Variants in TAFA1 observed in about 807,000 individuals in gnomAD.
TAFA1 encodes the protein chemokine-like protein TAFA-1.
TAFA1 carries 4 observed loss-of-function variants against 18.5 expected under a neutral mutation model. The observed-to-expected ratio is 0.22, with a 90% CI of 0.11 to 0.49. The LOEUF (loss-of-function observed/expected upper bound fraction) is 0.49. Among genes scored for constraint, TAFA1 ranks in the 20% least tolerant of loss-of-function variants. The pLI is 0.98. For synonymous variants in TAFA1, 56 were observed against 55.2 expected (o/e 1.01, Z -0.06); for missense variants, 147 against 169.0 (o/e 0.87, Z 0.72).
intron 2 of TAFA1, among the ~76,000 whole-genome samples, chr3:68,115,557 G>A (rs535142961): frequency 3.3e-5 from 5 of 152,260 alleles, no homozygotes; most frequent in Admixed American, 6.5e-5. Context: ...AATGGAACAG[G>A]TTGAGGTTTT....
chr3:68,108,079 G>A (rs1023200244), intron 2 of TAFA1, among the ~76,000 whole-genome samples: 30 of 152,004 alleles, frequency 2.0e-4, no homozygotes, highest in African/African-American at 7.0e-4. Flanking sequence ...TTCTGACCAG[G>A]TTGTTTAAGG....
At chr3:68,305,936 G>T (rs2068411015) in intron 2 of TAFA1, among the ~76,000 whole-genome samples, 1 of 152,130 alleles carries the variant, frequency 6.6e-6, no homozygotes, top group South Asian at 2.1e-4. Flanking sequence ...AGCAAATACA[G>T]CACCTAGAAT....
intron 2 of TAFA1, among the ~76,000 whole-genome samples, chr3:68,350,595 TA>T (rs1473542545): frequency 6.6e-6 from 1 of 152,160 alleles, no homozygotes; most frequent in Non-Finnish European, 1.5e-5. Flanking sequence ...ATTGCTCCTA[TA>T]AAACAAGGAC....
Position 68,309,495 on chromosome 3 carries a change from C to T in TAFA1, c.119-107785C>T, listed in dbSNP as rs746448255. Among the ~76,000 whole-genome samples, 95 of 152,118 alleles carry T rather than the reference C, an allele frequency of 6.2e-4. 1 individual carries two copies. Among genetic ancestry groups the T allele is most frequent in the Non-Finnish European group, 1.1e-3 (76 of 68,032 alleles). ...AATTTAACCCATGTCTATCCTATTACAAAGCCATGTAATTAGACATTGGGC... is the reference window on the plus strand; with the variant it reads ...AATTTAACCCATGTCTATCCTATTATAAAGCCATGTAATTAGACATTGGGC... On this transcript the variant is annotated intron_variant, in intron 2 of 4. Coordinates refer to ENST00000478136, the MANE Select transcript of TAFA1 (RefSeq NM_213609.4).
At chr3:68,180,527 G>A (rs555250895) in intron 2 of TAFA1, among the ~76,000 whole-genome samples, 28 of 152,270 alleles carry the variant, frequency 1.8e-4, no homozygotes, top group East Asian at 1.2e-3. Context: ...ATGATTTATC[G>A]TAAATACTGG....
intron 3 of TAFA1, among the ~76,000 whole-genome samples, chr3:68,533,627 A>G (rs1272717842): frequency 2.6e-5 from 4 of 152,186 alleles, no homozygotes. Context: ...TAAAGTAAAC[A>G]TAGAGCAGAG....
intron 3 of TAFA1, among the ~76,000 whole-genome samples, chr3:68,425,030 AGAGTACACAAC>A (rs2071025001): frequency 6.6e-6 from 1 of 151,974 alleles, no homozygotes; most frequent in South Asian, 2.1e-4. Flanking sequence ...GGCTGGCCAG[AGAGTACACAAC>A]TGATCCTATA....
At chr3:68,190,662 T>C (rs186101392) in intron 2 of TAFA1, among the ~76,000 whole-genome samples, 217 of 151,922 alleles carry the variant, frequency 1.4e-3, no homozygotes, top group African/African-American at 4.8e-3. Context: ...AAATTTGAGA[T>C]CCATAGCCTT....
chr3:68,389,862 A>G (rs941873570), intron 2 of TAFA1, among the ~76,000 whole-genome samples: 1 of 152,104 alleles, frequency 6.6e-6, no homozygotes, highest in African/African-American at 2.4e-5. Flanking sequence ...AGTCTTTGCA[A>G]CCCACAGACC....
At chr3:67,999,275 C>CG (rs1704257114), upstream of TAFA1, among the ~76,000 whole-genome samples, 2 of 1,402 alleles carry the variant, frequency 1.4e-3, no homozygotes, top group African/African-American at 3.3e-3. Context: ...TATCCCCCCC[C>CG]CCCCCCTCTC....
At chr3:68,228,526 G>T (rs1274910629) in intron 2 of TAFA1, among the ~76,000 whole-genome samples, 1 of 152,114 alleles carries the variant, frequency 6.6e-6, no homozygotes, top group Non-Finnish European at 1.5e-5. Context: ...GTACCATCTG[G>T]CTGTGTACTT....
chr3:68,276,098 GA>G (rs1484873771), intron 2 of TAFA1, among the ~76,000 whole-genome samples: 1 of 149,806 alleles, frequency 6.7e-6, no homozygotes, highest in Non-Finnish European at 1.5e-5. Flanking sequence ...TCTAAGACTA[GA>G]AAAAAACAAT....
chr3:68,025,969 C>A (rs532360283), intron 2 of TAFA1, among the ~76,000 whole-genome samples: 9 of 152,258 alleles, frequency 5.9e-5, no homozygotes, highest in South Asian at 2.1e-4. Flanking sequence ...GGATTGTCAT[C>A]AGTTTTGATC....
At chr3:68,098,684 A>G (rs2065114769) in intron 2 of TAFA1, among the ~76,000 whole-genome samples, 1 of 152,130 alleles carries the variant, frequency 6.6e-6, no homozygotes, top group African/African-American at 2.4e-5. Context: ...TGCTATGAGC[A>G]TATTACTAAT....
intron 3 of TAFA1, among the ~76,000 whole-genome samples, chr3:68,533,767 A>G (rs2073227994): frequency 6.6e-6 from 1 of 152,130 alleles, no homozygotes; most frequent in African/African-American, 2.4e-5. Context: ...GCAGAGAGAC[A>G]TGTGGCCTTC....
chr3:68,346,893 G>T (rs949755097), intron 2 of TAFA1, among the ~76,000 whole-genome samples: 1 of 152,134 alleles, frequency 6.6e-6, no homozygotes, highest in East Asian at 1.9e-4. Context: ...AGAGGCTAGA[G>T]GGCTGATAGA....
At chr3:68,487,811 G>GA (rs10654793) in intron 3 of TAFA1, among the ~76,000 whole-genome samples, 64,704 of 133,120 alleles carry the variant, frequency 0.49, 16,136 homozygotes, top group Admixed American at 0.58. Context: ...TGTACCAAAA[G>GA]AAAAAAAAAA....
intron 3 of TAFA1, among the ~76,000 whole-genome samples, chr3:68,429,647 T>C (rs1367900001): frequency 6.6e-6 from 1 of 151,974 alleles, no homozygotes; most frequent in African/African-American, 2.4e-5. Context: ...ATGTTTACAT[T>C]CCAAATTCAT....
chr3:68,334,528 T>C (rs2068937937), intron 2 of TAFA1, among the ~76,000 whole-genome samples: 1 of 152,162 alleles, frequency 6.6e-6, no homozygotes, highest in South Asian at 2.1e-4. Context: ...TGTGTCTCAA[T>C]CTTAATACAA....
Sources: allele counts gnomAD v4.1 joint callset (sites outside exome capture counted in the v4.1 genomes callset), GRCh38; gene constraint gnomAD v4.1.1; transcripts MANE v1.5; gene names NCBI Gene and HGNC (gene_info 2026-07-23, HGNC 2026-07-21).